The following PKP4 variants were observed in gnomAD, a reference collection of about 807,000 sequenced individuals.
PKP4 encodes the protein plakophilin-4.
A neutral mutation model predicts 145.1 loss-of-function variants in PKP4; 90 were observed. The observed-to-expected ratio is 0.62, with a 90% CI of 0.52 to 0.74. The LOEUF (loss-of-function observed/expected upper bound fraction) is 0.74. Ranked by LOEUF, PKP4 falls within the 30% of genes least tolerant of loss-of-function variation. The pLI is 0.00. For missense variants in PKP4, 1,340 were observed against 1,482.7 expected (o/e 0.90, Z 1.58); for synonymous variants, 563 against 577.2 (o/e 0.98, Z 0.35).
At chr2:158,606,188 T>C (rs571001761) in intron 4 of PKP4, among the ~76,000 whole-genome samples, 81 of 152,274 alleles carry the variant, frequency 5.3e-4, no homozygotes, top group African/African-American at 1.9e-3. Flanking sequence ...TACCAGATTA[T>C]TTTCCAGAGT....
intron 3 of PKP4, among the ~76,000 whole-genome samples, chr2:158,585,533 T>C (rs911714468): frequency 2.6e-5 from 4 of 152,250 alleles, no homozygotes; most frequent in Non-Finnish European, 4.4e-5. Context: ...CTTTTTGTGG[T>C]TCAAATCTTT....
chr2:158,648,972 T>C (rs995945676), intron 11 of PKP4, among the ~76,000 whole-genome samples: 1 of 152,224 alleles, frequency 6.6e-6, no homozygotes, highest in African/African-American at 2.4e-5. Context: ...CACTCCAGCC[T>C]GGGCGACAGA....
intron 1 of PKP4, among the ~76,000 whole-genome samples, chr2:158,468,770 C>CTTTTTTTTTTTTTTTTT (rs58577988): frequency 1.5e-4 from 17 of 109,956 alleles, no homozygotes; most frequent in Non-Finnish European, 2.5e-4. Flanking sequence ...TCTTCTTCTT[C>CTTTTTTTTTTTTTTTTT]TTTTTTTTTT....
In PKP4 at chr2:158,570,664, C is replaced by T. The variant is rs1481350737; in HGVS notation, c.133-6607C>T. Among the ~76,000 whole-genome samples the T allele has an allele frequency of 2.0e-5, 3 of 152,184 alleles. No individual in the cohort carries two copies. In the East Asian group the frequency reaches 5.8e-4, roughly 29 times the overall value. On this transcript the variant is annotated intron_variant, in intron 2 of 21. Coordinates refer to ENST00000389759, the MANE Select transcript of PKP4 (RefSeq NM_003628.6). ...TACATAGTCATGGAAAGGTATGTTG[C>T]CTCTTGGTGTGTTATACTGCTAGCA...
intron 1 of PKP4, among the ~76,000 whole-genome samples, chr2:158,515,548 C>G (rs1264882273): frequency 6.6e-6 from 1 of 152,032 alleles, no homozygotes. Flanking sequence ...TTGAAAAGAG[C>G]TTTAATTTTT....
intron 1 of PKP4, among the ~76,000 whole-genome samples, chr2:158,520,061 A>T (rs553436976): frequency 6.6e-6 from 1 of 152,304 alleles, no homozygotes; most frequent in East Asian, 1.9e-4. Context: ...AAGAAGTAAG[A>T]TATTTTGGGG....
Position 158,610,365 on chromosome 2 carries a change from G to A in PKP4, c.280+7261G>A, listed in dbSNP as rs114658552. On this transcript the variant is annotated intron_variant, in intron 4 of 21. Transcript: ENST00000389759. Reference sequence around the variant, plus strand: ...AAAATTTGAGGTAACTTGTAAGAACGTATATAATACAATAAAAAATAAACA... The same window carrying A: ...AAAATTTGAGGTAACTTGTAAGAACATATATAATACAATAAAAAATAAACA... Among the ~76,000 whole-genome samples, 1,413 of 151,944 alleles carry A rather than the reference G, an allele frequency of 9.3e-3. 14 individuals are homozygous for A. The highest frequency in any genetic ancestry group is 0.031 in the African/African-American group (1,292 of 41,416).
chr2:158,510,498 A>G (rs2041404404), intron 1 of PKP4, among the ~76,000 whole-genome samples: 1 of 152,242 alleles, frequency 6.6e-6, no homozygotes, highest in African/African-American at 2.4e-5. Context: ...GATTGGTTGG[A>G]CTAGAGGAGT....
chr2:158,640,532 C>G (rs1038566684), intron 9 of PKP4, 95 bp from the exon 10 acceptor site: 12 of 1,359,130 alleles, frequency 8.8e-6, no homozygotes, highest in African/African-American at 1.5e-5. Flanking sequence ...CCATTTTTGT[C>G]TCAGCTGAGC....
intron 1 of PKP4, among the ~76,000 whole-genome samples, chr2:158,526,683 G>A (rs1477629595): frequency 3.3e-5 from 3 of 90,974 alleles, no homozygotes; most frequent in African/African-American, 4.6e-5. Flanking sequence ...TAGGAAAAGA[G>A]GAAGTCAAAT....
intron 2 of PKP4, chr2:158,533,597 G>A: frequency 2.0e-6 from 1 of 491,302 alleles, no homozygotes; most frequent in Non-Finnish European, 4.0e-6. Context: ...GTGTGTGCAT[G>A]CACGCAAAGC....
At position 158,676,888 on chromosome 2, in the gene PKP4, G is replaced by C. The variant is rs754766511; in HGVS notation, c.3256+21G>C. On this transcript the variant is annotated intron_variant, in intron 20 of 21. Transcript: ENST00000389759. ...CCCTGGTAAGACGCCAGTTGGGTGT[G>C]TGATACAGTCTCTTGAAAAGCCGCA... The C allele has an allele frequency of 2.5e-6, 4 of 1,613,862 alleles. No individual in the cohort carries two copies. In the South Asian group the frequency reaches 4.4e-5, roughly 18 times the overall value.
chr2:158,491,325 G>T (rs1409901503), intron 1 of PKP4, among the ~76,000 whole-genome samples: 3 of 152,140 alleles, frequency 2.0e-5, no homozygotes, highest in African/African-American at 7.2e-5. Context: ...TGCCTGAGCT[G>T]TGCGGTGCTG....
intron 1 of PKP4, among the ~76,000 whole-genome samples, chr2:158,500,166 C>A (rs1379183885): frequency 2.0e-5 from 3 of 152,122 alleles, no homozygotes; most frequent in South Asian, 2.1e-4. Context: ...TTTTACTAGT[C>A]CCATCATTTC....
At chr2:158,482,727 G>T (rs1693548421) in intron 1 of PKP4, among the ~76,000 whole-genome samples, 1 of 151,888 alleles carries the variant, frequency 6.6e-6, no homozygotes, top group South Asian at 2.1e-4. Flanking sequence ...TTCCAGCTAT[G>T]CAGGAGGCTG....
At chr2:158,617,001 C>G (rs1008860456) in intron 4 of PKP4, among the ~76,000 whole-genome samples, 1 of 152,130 alleles carries the variant, frequency 6.6e-6, no homozygotes, top group Non-Finnish European at 1.5e-5. Context: ...TTACCATGAG[C>G]TTAATGAGGT....
intron 1 of PKP4, among the ~76,000 whole-genome samples, chr2:158,521,809 T>C (rs1305263931): frequency 6.6e-6 from 1 of 152,224 alleles, no homozygotes; most frequent in African/African-American, 2.4e-5. Flanking sequence ...GAGGAACTTA[T>C]GTTTGCTATA....
chr2:158,504,329 C>G (rs1456371955), intron 1 of PKP4, among the ~76,000 whole-genome samples: 3 of 152,180 alleles, frequency 2.0e-5, no homozygotes, highest in Admixed American at 2.0e-4. Flanking sequence ...TGAGTAAATG[C>G]TGGAATGAAC....
intron 1 of PKP4, 57 bp downstream of exon 1, chr2:158,457,275 C>T (rs533106555): frequency 6.6e-6 from 1 of 151,696 alleles, no homozygotes; most frequent in East Asian, 2.0e-4. Flanking sequence ...GACCCTCGGC[C>T]CTCGCCCCGA....
Sources: allele counts gnomAD v4.1 joint callset (sites outside exome capture counted in the v4.1 genomes callset), GRCh38; gene constraint gnomAD v4.1.1; transcripts MANE v1.5; gene names NCBI Gene and HGNC (gene_info 2026-07-23, HGNC 2026-07-21).